The following SPATA6 variants were observed in gnomAD, a reference collection of about 807,000 sequenced individuals.
SPATA6 encodes the protein spermatogenesis associated 6, also known as spermatogenesis-associated protein 6.
A neutral mutation model predicts 65.3 loss-of-function variants in SPATA6; 56 were observed. The observed-to-expected ratio is 0.86, with a 90% confidence interval of 0.69 to 1.07. The LOEUF (loss-of-function observed/expected upper bound fraction) is 1.07. Ranked by LOEUF, SPATA6 falls within the 50% of genes least tolerant of loss-of-function variation. The pLI is 0.00. For synonymous variants in SPATA6, 199 were observed against 213.2 expected (o/e 0.93, Z 0.58); for missense variants, 590 against 594.8 (o/e 0.99, Z 0.08).
At chr1:48,419,347 C>A (rs1653099896) in intron 3 of SPATA6, among the ~76,000 whole-genome samples, 1 of 152,026 alleles carries the variant, frequency 6.6e-6, no homozygotes, top group South Asian at 2.1e-4. Context: ...TAGTGATTTA[C>A]AAAATATACG....
At chr1:48,285,604 G>T in the SPATA6 span, among the ~76,000 whole-genome samples, 14 of 152,112 alleles carry the variant, frequency 9.2e-5, no homozygotes, top group Non-Finnish European at 1.2e-4. Flanking sequence ...TATGTGAGTT[G>T]CGAAGATCAT....
chr1:48,354,684 T>G (rs1174019275), intron 11 of SPATA6, among the ~76,000 whole-genome samples: 1 of 152,144 alleles, frequency 6.6e-6, no homozygotes, highest in Non-Finnish European at 1.5e-5. Context: ...GGATGTCATT[T>G]ATATAAAGCT....
chr1:48,319,962 A>G (rs1252444539), intron 11 of SPATA6, among the ~76,000 whole-genome samples: 1 of 152,148 alleles, frequency 6.6e-6, no homozygotes, highest in East Asian at 1.9e-4. Flanking sequence ...TGCTCCCTGC[A>G]GAAAAAGGCA....
intron 11 of SPATA6, among the ~76,000 whole-genome samples, chr1:48,339,833 A>T (rs1646160309): frequency 6.6e-6 from 1 of 152,016 alleles, no homozygotes; most frequent in South Asian, 2.1e-4. Flanking sequence ...ATAATAGTTA[A>T]TAAGACATAT....
At chr1:48,268,078 A>G in the SPATA6 span, among the ~76,000 whole-genome samples, 1 of 151,840 alleles carries the variant, frequency 6.6e-6, no homozygotes, top group Non-Finnish European at 1.5e-5. Flanking sequence ...TAGTCACAGA[A>G]TGGGGTACGT....
chr1:48,288,703 G>A, the SPATA6 span, among the ~76,000 whole-genome samples: 2,110 of 152,302 alleles, frequency 0.014, 37 homozygotes, highest in East Asian at 0.057. Context: ...ATTACATCCC[G>A]TGCCTGGCTC....
chr1:48,368,243 A>C (rs1449995784), intron 9 of SPATA6, among the ~76,000 whole-genome samples: 5 of 152,020 alleles, frequency 3.3e-5, no homozygotes, highest in African/African-American at 9.7e-5. Flanking sequence ...GCCTTCATTT[A>C]AACTTTGGTG....
At chr1:48,301,546 C>CAA (rs879317585) in intron 12 of SPATA6, among the ~76,000 whole-genome samples, 5 of 147,440 alleles carry the variant, frequency 3.4e-5, no homozygotes, top group Admixed American at 6.8e-5. Flanking sequence ...CACACACACA[C>CAA]AAAAAAAAAA....
intron 11 of SPATA6, chr1:48,325,832 T>C (rs1645743204): frequency 9.4e-6 from 4 of 424,980 alleles, no homozygotes; most frequent in African/African-American, 6.1e-5. Context: ...CAACTGAATG[T>C]GACCAAGAAA....
intron 1 of SPATA6, among the ~76,000 whole-genome samples, chr1:48,466,683 T>C (rs1657831896): frequency 6.6e-6 from 1 of 152,068 alleles, no homozygotes; most frequent in Non-Finnish European, 1.5e-5. Flanking sequence ...ATTTGAACTA[T>C]TTTATAGTTA....
chr1:48,375,237 A>G (rs1345892169), intron 9 of SPATA6, among the ~76,000 whole-genome samples: 1 of 152,174 alleles, frequency 6.6e-6, no homozygotes, highest in Admixed American at 6.5e-5. Context: ...TCAGAAATGC[A>G]GAAGACTTTC....
intron 1 of SPATA6, among the ~76,000 whole-genome samples, chr1:48,469,481 T>C (rs1345328915): frequency 3.7e-5 from 5 of 135,388 alleles, no homozygotes; most frequent in African/African-American, 3.3e-5. Context: ...TTTATATATA[T>C]ATATATATAT....
At chr1:48,471,219 T>C (rs1191433728) in intron 1 of SPATA6, among the ~76,000 whole-genome samples, 3 of 152,168 alleles carry the variant, frequency 2.0e-5, no homozygotes, top group Non-Finnish European at 4.4e-5. Context: ...GAGGAAAGCA[T>C]CCTCTTGAGC....
chr1:48,269,466 A>G, the SPATA6 span, among the ~76,000 whole-genome samples: 1 of 152,194 alleles, frequency 6.6e-6, no homozygotes, highest in African/African-American at 2.4e-5. Context: ...CAGTACTGCC[A>G]TTATGCCAAA....
chr1:48,380,307 C>G (rs1315697586), intron 9 of SPATA6, among the ~76,000 whole-genome samples: 2 of 152,142 alleles, frequency 1.3e-5, no homozygotes, highest in Non-Finnish European at 1.5e-5. Context: ...ATGTTCAATG[C>G]TGCAGATATA....
the SPATA6 span, among the ~76,000 whole-genome samples, chr1:48,278,498 G>A: frequency 6.6e-6 from 1 of 152,314 alleles, no homozygotes; most frequent in East Asian, 1.9e-4. Flanking sequence ...GGAGCTGATG[G>A]AGCTGAAAGC....
chr1:48,307,710 A>G (rs1253746071), intron 11 of SPATA6, among the ~76,000 whole-genome samples: 1 of 151,562 alleles, frequency 6.6e-6, no homozygotes, highest in Non-Finnish European at 1.5e-5. Flanking sequence ...TCTCTATTAT[A>G]TTGCATATCT....
chr1:48,459,822 C>A, intron 1 of SPATA6, among the ~76,000 whole-genome samples: 1 of 151,832 alleles, frequency 6.6e-6, no homozygotes. Flanking sequence ...GGGAAAATAT[C>A]TGAAAAAAAT....
At chr1:48,456,332 G>A (rs1656996615) in intron 1 of SPATA6, among the ~76,000 whole-genome samples, 1 of 152,186 alleles carries the variant, frequency 6.6e-6, no homozygotes, top group Non-Finnish European at 1.5e-5. Flanking sequence ...TACAAAGTTA[G>A]TTCAGGAAAT....
Sources: gnomAD v4.1 joint callset for allele counts (sites outside exome capture counted in the v4.1 genomes callset) on GRCh38, gnomAD v4.1.1 for gene constraint, MANE v1.5 for transcripts, NCBI Gene and HGNC (gene_info 2026-07-23, HGNC 2026-07-21) for gene names.